Variants in EYS observed in about 807,000 individuals in gnomAD.
EYS encodes the protein protein eyes shut homolog.
A neutral mutation model predicts 282.1 loss-of-function variants in EYS; 250 were observed. That is an observed-to-expected ratio of 0.89 (90% CI 0.80 to 0.98). The LOEUF (loss-of-function observed/expected upper bound fraction) is 0.98. EYS is among the 50% of genes least tolerant of loss of function. The pLI is 0.00. For synonymous variants in EYS, 1,355 were observed against 1,282.9 expected (o/e 1.06, Z -1.20); for missense variants, 4,016 against 3,709.0 (o/e 1.08, Z -2.15).
intron 28 of EYS, among the ~76,000 whole-genome samples, chr6:64,434,132 TTAGGAGA>T (rs201787305): frequency 0.031 from 4,685 of 151,950 alleles, 224 homozygotes; most frequent in African/African-American, 0.11. Flanking sequence ...CAAGAGGAAA[TTAGGAGA>T]TAGACACATA....
At chr6:64,410,581 T>G (rs1773857150) in intron 28 of EYS, among the ~76,000 whole-genome samples, 1 of 152,184 alleles carries the variant, frequency 6.6e-6, no homozygotes, top group African/African-American at 2.4e-5. Flanking sequence ...CCATTCTATC[T>G]TTCTTTCACA....
chr6:64,052,147 A>G (rs1770828813), intron 33 of EYS, among the ~76,000 whole-genome samples: 2 of 152,296 alleles, frequency 1.3e-5, no homozygotes, highest in Admixed American at 6.5e-5. Flanking sequence ...ATTATTTTCG[A>G]CCATTAAAAT....
chr6:64,035,266 A>T (rs1770059065), intron 33 of EYS, among the ~76,000 whole-genome samples: 1 of 152,252 alleles, frequency 6.6e-6, no homozygotes, highest in Admixed American at 6.5e-5. Flanking sequence ...TGTTTACTCA[A>T]CAAGCATGAC....
At chr6:64,219,544 T>C (rs1313993702) in intron 31 of EYS, among the ~76,000 whole-genome samples, 1 of 152,248 alleles carries the variant, frequency 6.6e-6, no homozygotes, top group Non-Finnish European at 1.5e-5. Context: ...TTTGGGTATA[T>C]ACCCAGTAAA....
intron 22 of EYS, among the ~76,000 whole-genome samples, chr6:64,644,058 A>G (rs1768269896): frequency 6.6e-6 from 1 of 152,212 alleles, no homozygotes; most frequent in African/African-American, 2.4e-5. Context: ...GGTATCAATT[A>G]AGTTTTCTTA....
At chr6:64,744,467 C>T (rs1004186637) in intron 22 of EYS, among the ~76,000 whole-genome samples, 8 of 152,162 alleles carry the variant, frequency 5.3e-5, no homozygotes, top group African/African-American at 1.9e-4. Flanking sequence ...TAAGACTCCT[C>T]TCACATGTTC....
intron 2 of EYS, among the ~76,000 whole-genome samples, chr6:65,526,079 C>G (rs958171387): frequency 6.6e-6 from 1 of 152,042 alleles, no homozygotes; most frequent in African/African-American, 2.4e-5. Context: ...AGAGCCGTGT[C>G]CTAACTTAGT....
chr6:63,870,566 T>G (rs561158268), intron 35 of EYS, among the ~76,000 whole-genome samples: 5 of 152,292 alleles, frequency 3.3e-5, no homozygotes, highest in African/African-American at 1.2e-4. Context: ...TTCCACAGCC[T>G]TTCTTTTGTC....
chr6:64,889,771 A>C (rs1767220297), intron 18 of EYS, among the ~76,000 whole-genome samples: 1 of 151,962 alleles, frequency 6.6e-6, no homozygotes, highest in African/African-American at 2.4e-5. Context: ...TCGCCTCAGG[A>C]CCTTGTGATA....
intron 2 of EYS, among the ~76,000 whole-genome samples, chr6:65,517,168 G>A (rs868401572): frequency 6.6e-6 from 1 of 151,788 alleles, no homozygotes; most frequent in African/African-American, 2.4e-5. Context: ...AGGAACTACT[G>A]CGTGTGGAAG....
At position 65,693,825 on chromosome 6, in the gene EYS, G is replaced by GAAAT. The variant is rs1769335702; in HGVS notation, c.-448+13306_-448+13309dup. The stretch of plus-strand genomic sequence containing the variant: ...AAATAATGGCTCATAAGACACTGAG[G>GAAAT]AAATGGTCAATAGACAAATCTAAGC... On this transcript the variant is annotated intron_variant, in intron 1 of 42. Coordinates refer to ENST00000503581, the MANE Select transcript of EYS (RefSeq NM_001142800.2). Among the ~76,000 whole-genome samples, 2 of 149,878 alleles carry GAAAT rather than the reference G, an allele frequency of 1.3e-5. 1 individual carries two copies. The highest frequency in any genetic ancestry group is 3.0e-5 in the Non-Finnish European group (2 of 67,616).
intron 37 of EYS, among the ~76,000 whole-genome samples, chr6:63,790,620 C>T (rs777801765): frequency 7.9e-5 from 12 of 152,246 alleles, no homozygotes; most frequent in Admixed American, 3.9e-4. Flanking sequence ...ATATTTAAAA[C>T]GGAAAGTTCA....
chr6:63,827,553 A>C (rs956782831), intron 36 of EYS, among the ~76,000 whole-genome samples: 2 of 152,204 alleles, frequency 1.3e-5, no homozygotes, highest in Non-Finnish European at 2.9e-5. Flanking sequence ...CAGAAAATTG[A>C]AATTACATCG....
chr6:64,125,154 G>GCGCGCGCGCGCGCGCTCTCTCTC (rs1773724746), intron 31 of EYS, among the ~76,000 whole-genome samples: 1 of 145,264 alleles, frequency 6.9e-6, no homozygotes, highest in African/African-American at 2.6e-5. Context: ...CACACTCTCT[G>GCGCGCGCGCGCGCGCTCTCTCTC]TCTCTCTCTC....
At chr6:65,442,117 AT>A (rs1181567892) in intron 5 of EYS, among the ~76,000 whole-genome samples, 1 of 151,568 alleles carries the variant, frequency 6.6e-6, no homozygotes, top group Non-Finnish European at 1.5e-5. Context: ...CCATTGAATT[AT>A]TTGTGTTTTC....
At chr6:65,455,760 A>C (rs569983313) in intron 5 of EYS, among the ~76,000 whole-genome samples, 26 of 152,206 alleles carry the variant, frequency 1.7e-4, no homozygotes, top group Admixed American at 3.9e-4. Context: ...CGGTAACAAA[A>C]AGTCTTCCAT....
intron 30 of EYS, among the ~76,000 whole-genome samples, chr6:64,233,902 A>G (rs1335790281): frequency 6.6e-6 from 1 of 152,204 alleles, no homozygotes; most frequent in Admixed American, 6.5e-5. Flanking sequence ...TGTGAAAACC[A>G]TGGGGCTAAA....
At chr6:65,230,443 C>T (rs1304046486) in intron 12 of EYS, among the ~76,000 whole-genome samples, 3 of 151,792 alleles carry the variant, frequency 2.0e-5, no homozygotes, top group East Asian at 3.9e-4. Flanking sequence ...AATTAGTTTT[C>T]CCCCCAGAAG....
chr6:65,261,610 A>T (rs1340396384), intron 12 of EYS, among the ~76,000 whole-genome samples: 1 of 152,082 alleles, frequency 6.6e-6, no homozygotes, highest in Non-Finnish European at 1.5e-5. Context: ...ATGTATAGAT[A>T]AAAAATAAGA....
Sources: gnomAD v4.1 joint callset for allele counts (sites outside exome capture counted in the v4.1 genomes callset) on GRCh38, gnomAD v4.1.1 for gene constraint, MANE v1.5 for transcripts, NCBI Gene and HGNC (gene_info 2026-07-23, HGNC 2026-07-21) for gene names.